The following HIRA variants were observed in gnomAD, a reference collection of about 807,000 sequenced individuals.
The protein encoded by HIRA is protein HIRA.
Under a neutral mutation model 126.6 loss-of-function variants are expected in HIRA, and 13 were observed. That is an observed-to-expected ratio of 0.10 (90% confidence interval 0.07 to 0.16). The LOEUF is 0.16. Ranked by LOEUF, HIRA falls within the 10% of genes least tolerant of loss-of-function variation. The pLI is 1.00. For missense variants in HIRA, 834 were observed against 1,314.4 expected (o/e 0.63, Z 5.65); for synonymous variants, 511 against 520.0 (o/e 0.98, Z 0.24).
At chr22:19,338,654 G>A in intron 24 of HIRA, among the ~76,000 whole-genome samples, 1 of 152,106 alleles carries the variant, frequency 6.6e-6, no homozygotes, top group East Asian at 1.9e-4. Context: ...CCAAAAGCGA[G>A]CAGAAATAGC....
At chr22:19,369,783 T>C (rs562449319) in intron 15 of HIRA, among the ~76,000 whole-genome samples, 3 of 152,008 alleles carry the variant, frequency 2.0e-5, no homozygotes, top group Non-Finnish European at 4.4e-5. Flanking sequence ...AATACAAAAA[T>C]TAGCCGGGCG....
chr22:19,341,546 T>C (rs1176154883), intron 24 of HIRA, among the ~76,000 whole-genome samples: 1 of 150,116 alleles, frequency 6.7e-6, no homozygotes, highest in East Asian at 1.9e-4. Flanking sequence ...GACATCAAAC[T>C]ATACTACAAG....
chr22:19,420,579 T>A (rs2089438676), intron 1 of HIRA, among the ~76,000 whole-genome samples: 1 of 151,162 alleles, frequency 6.6e-6, no homozygotes, highest in Non-Finnish European at 1.5e-5. Context: ...CTTTCCCCCC[T>A]CATTTTGCAA....
chr22:19,384,689 C>T (rs1011228311), intron 12 of HIRA, among the ~76,000 whole-genome samples: 7 of 151,596 alleles, frequency 4.6e-5, no homozygotes, highest in African/African-American at 1.7e-4. Context: ...GAATCTCACT[C>T]TGTCTCCCAG....
At chr22:19,398,773 A>G (rs1362624160) in intron 5 of HIRA, among the ~76,000 whole-genome samples, 1 of 152,146 alleles carries the variant, frequency 6.6e-6, no homozygotes, top group Non-Finnish European at 1.5e-5. Flanking sequence ...GCCCAGAGGT[A>G]CAATACCAGC....
chr22:19,375,938 T>C, intron 14 of HIRA, 146 bp from the exon 15 acceptor site: 1 of 864,304 alleles, frequency 1.2e-6, no homozygotes, highest in South Asian at 1.8e-5. Flanking sequence ...AATCTACTAC[T>C]CCCATTTCTT....
At chr22:19,408,703 TA>T (rs770708273) in intron 2 of HIRA, 110 bp from the exon 3 acceptor site, 98 of 648,028 alleles carry the variant, frequency 1.5e-4, no homozygotes, top group Middle Eastern at 1.1e-3. Context: ...CCATAAACAA[TA>T]ATTAACTAGA....
chr22:19,429,593 A>C (rs965341891), intron 1 of HIRA, among the ~76,000 whole-genome samples: 2 of 152,212 alleles, frequency 1.3e-5, no homozygotes, highest in African/African-American at 4.8e-5. Context: ...AGAGGCCCTC[A>C]GCAATAAGGG....
chr22:19,407,321 C>T (rs755828724), intron 3 of HIRA, 47 bp from the exon 4 acceptor site: 3 of 1,460,816 alleles, frequency 2.1e-6, no homozygotes, highest in East Asian at 2.3e-5. Context: ...TAGTCATGCC[C>T]ATTTGCTTTA....
In HIRA at chr22:19,379,956, G is replaced by A. The variant is rs1016326966; in HGVS notation, c.1416-1890C>T. ...TCCAAGTAGCTGGGACTACAGGGGC[G>A]TGCCACCACGCCCAGCTAATTTTTA... On this transcript the variant is annotated intron_variant, in intron 13 of 24. Transcript: ENST00000263208. Among the ~76,000 whole-genome samples the A allele has an allele frequency of 3.3e-5, 5 of 151,996 alleles. No individual in the cohort carries two copies. The East Asian group carries it at 5.9e-4, about 18-fold the overall frequency.
In HIRA at chr22:19,377,934, C is replaced by T. The variant is rs1225778855; in HGVS notation, c.1548G>A (p.Lys516=). Reference sequence around the variant, plus strand: ...CAGCCACCACAGGCTCTGTGCAAGGCTTCGAGGCGCCGAAGGAGTTAGGGG... The same window carrying T: ...CAGCCACCACAGGCTCTGTGCAAGGTTTCGAGGCGCCGAAGGAGTTAGGGG... ...SSTPNSFGAS[K]PCTEPVVAAS... The change falls in exon 14 of 25, where the codon AAG becomes AAA. Residue 516 remains lysine (K), a synonymous_variant. Coordinates refer to ENST00000263208, the MANE Select transcript of HIRA (RefSeq NM_003325.4). 1 of 1,613,910 alleles carries T rather than the reference C, an allele frequency of 6.2e-7. No homozygotes were observed. The highest frequency in any genetic ancestry group is 8.5e-7 in the Non-Finnish European group (1 of 1,179,944).
At chr22:19,392,247 A>C (rs759527702) in intron 8 of HIRA, 33 bp from the exon 9 acceptor site, 5 of 1,395,684 alleles carry the variant, frequency 3.6e-6, no homozygotes, top group Non-Finnish European at 5.1e-6. Context: ...AAAAATAATT[A>C]ATCAAGCATC....
intron 15 of HIRA, among the ~76,000 whole-genome samples, chr22:19,368,884 CCT>C (rs1431986466): frequency 6.6e-6 from 1 of 152,164 alleles, no homozygotes. Flanking sequence ...GGTTGGGACC[CCT>C]GAGAGCCCTT....
chr22:19,431,005 C>G (rs2089531973), intron 1 of HIRA, among the ~76,000 whole-genome samples: 1 of 152,212 alleles, frequency 6.6e-6, no homozygotes, highest in African/African-American at 2.4e-5. Flanking sequence ...GGGGCAGTAA[C>G]AGTCCCTCTT....
At chr22:19,425,015 C>T (rs2089478430) in intron 1 of HIRA, among the ~76,000 whole-genome samples, 2 of 152,092 alleles carry the variant, frequency 1.3e-5, no homozygotes, top group South Asian at 4.1e-4. Flanking sequence ...TATTTAATTC[C>T]CTAGGAGGTC....
intron 15 of HIRA, among the ~76,000 whole-genome samples, chr22:19,366,642 A>G (rs1569297204): frequency 6.6e-6 from 1 of 152,250 alleles, no homozygotes; most frequent in Admixed American, 6.5e-5. Context: ...AATTGCTGCA[A>G]TCTCATAAAA....
At chr22:19,341,465 A>G (rs922582467) in intron 24 of HIRA, among the ~76,000 whole-genome samples, 2 of 151,544 alleles carry the variant, frequency 1.3e-5, no homozygotes, top group Non-Finnish European at 2.9e-5. Context: ...AAAAAAAAAA[A>G]AAAAAAATCA....
At chr22:19,332,413 A>G (rs1342241031) in intron 24 of HIRA, among the ~76,000 whole-genome samples, 2 of 152,214 alleles carry the variant, frequency 1.3e-5, no homozygotes, top group African/African-American at 4.8e-5. Context: ...CCACACTCCA[A>G]CAGGGAGGCT....
intron 19 of HIRA, 72 bp from the exon 20 acceptor site, chr22:19,356,360 GAC>G: frequency 2.9e-6 from 4 of 1,363,138 alleles, no homozygotes; most frequent in Non-Finnish European, 4.2e-6. Context: ...TGGCTGCTCA[GAC>G]ACCCTGGCCC....
Sources: allele counts gnomAD v4.1 joint callset (sites outside exome capture counted in the v4.1 genomes callset), GRCh38; gene constraint gnomAD v4.1.1; transcripts MANE v1.5; gene names NCBI Gene and HGNC (gene_info 2026-07-23, HGNC 2026-07-21).